PCDHA8: variants seen among roughly 807,000 people sequenced by gnomAD.
PCDHA8 encodes the protein protocadherin alpha-8.
A neutral mutation model predicts 61.8 loss-of-function variants in PCDHA8; 53 were observed. The observed-to-expected ratio is 0.86, with a 90% CI of 0.69 to 1.08. The LOEUF is 1.08. Ranked by LOEUF, PCDHA8 falls within the 50% of genes least tolerant of loss-of-function variation. The probability of loss-of-function intolerance (pLI) is 0.00; values close to 1 mark genes in which losing one functional copy is unlikely to be tolerated. For synonymous variants in PCDHA8, 618 were observed against 556.6 expected (o/e 1.11, Z -1.55); for missense variants, 1,293 against 1,245.0 (o/e 1.04, Z -0.58).
intron 1 of PCDHA8, chr5:140,848,264 T>G (rs1156785908): frequency 4.1e-6 from 2 of 490,594 alleles, no homozygotes; most frequent in Non-Finnish European, 7.2e-6. Context: ...GAAATTTTTA[T>G]TCATGAAATA....
intron 1 of PCDHA8, among the ~76,000 whole-genome samples, chr5:140,974,558 C>A (rs984567503): frequency 4.5e-4 from 68 of 152,132 alleles, no homozygotes; most frequent in African/African-American, 1.6e-3. Context: ...GTTGCCCAGG[C>A]TGGAGTGCAA....
intron 1 of PCDHA8, among the ~76,000 whole-genome samples, chr5:140,879,081 T>C (rs1425343317): frequency 1.3e-5 from 2 of 152,084 alleles, no homozygotes; most frequent in African/African-American, 4.8e-5. Flanking sequence ...GAGAGATAAG[T>C]AGGAACAACT....
In PCDHA8 at chr5:140,842,516, T is replaced by A. The variant is rs530202531; in HGVS notation, c.1195T>A (p.Ser399Thr). ...GCCCCATGTCCCCTTCAAGCTGGTGTCCACCTTCAAGAATTACTACTCGTT... is the reference window on the plus strand; with the variant it reads ...GCCCCATGTCCCCTTCAAGCTGGTGACCACCTTCAAGAATTACTACTCGTT... ...LMPHVPFKLV[S>T]TFKNYYSLVL... The change falls in exon 1 of 4, where the codon TCC becomes ACC. Residue 399 changes from serine (S) to threonine (T), a missense_variant. Coordinates refer to ENST00000531613, the MANE Select transcript of PCDHA8 (RefSeq NM_018911.3). The A allele has an allele frequency of 6.2e-7, 1 of 1,613,504 alleles. No homozygotes were observed. Among genetic ancestry groups the A allele is most frequent in the African/African-American group, 1.3e-5 (1 of 74,844 alleles).
chr5:140,869,919 A>G (rs1554163602), intron 1 of PCDHA8: 3 of 1,611,440 alleles, frequency 1.9e-6, no homozygotes. Flanking sequence ...GAGACGAAGG[A>G]GTCAATGGAG....
At chr5:140,917,552 C>T (rs200211133) in intron 1 of PCDHA8, among the ~76,000 whole-genome samples, 1 of 152,192 alleles carries the variant, frequency 6.6e-6, no homozygotes, top group Non-Finnish European at 1.5e-5. Flanking sequence ...TTACATTTAA[C>T]TCTTTAATCC....
chr5:140,904,700 C>A (rs1228017325), intron 1 of PCDHA8, among the ~76,000 whole-genome samples: 1 of 152,028 alleles, frequency 6.6e-6, no homozygotes, highest in Non-Finnish European at 1.5e-5. Flanking sequence ...AAATTGTTCC[C>A]TTTTCACCAC....
chr5:140,870,974 G>C, intron 1 of PCDHA8: 5 of 1,613,628 alleles, frequency 3.1e-6, no homozygotes, highest in Non-Finnish European at 4.2e-6. Context: ...TTCCGCGTGG[G>C]GCTGTACACG....
At chr5:140,876,577 A>G (rs1554168681) in intron 1 of PCDHA8, 2 of 1,614,182 alleles carry the variant, frequency 1.2e-6, no homozygotes, top group Non-Finnish European at 1.7e-6. Context: ...GGGTACCGTC[A>G]TTGCCCTGAT....
chr5:140,993,363 C>T (rs925225156), intron 3 of PCDHA8, among the ~76,000 whole-genome samples: 1 of 151,918 alleles, frequency 6.6e-6, no homozygotes, highest in Non-Finnish European at 1.5e-5. Context: ...CTCACAAAAA[C>T]TACCTCCCAG....
At chr5:140,946,826 G>A (rs1161316537) in intron 1 of PCDHA8, among the ~76,000 whole-genome samples, 1 of 151,404 alleles carries the variant, frequency 6.6e-6, no homozygotes, top group African/African-American at 2.4e-5. Context: ...TACCAGAGAT[G>A]GGTAGGGCAG....
rs1374109552 is a variant in PCDHA8 at position 141,010,068 on chromosome 5, T to C, written c.*131T>C. On this transcript the variant is annotated 3_prime_UTR_variant, in exon 4 of 4. Transcript: ENST00000531613. ...AGAGACCTCAGAAATCTGCAGAAAGTTCCCTGTGTCTGTCTAGAACGCATT... is the reference window on the plus strand; with the variant it reads ...AGAGACCTCAGAAATCTGCAGAAAGCTCCCTGTGTCTGTCTAGAACGCATT... 4 of 1,604,732 alleles carry C rather than the reference T, an allele frequency of 2.5e-6. No homozygotes were observed. Among genetic ancestry groups the C allele is most frequent in the Non-Finnish European group, 3.4e-6 (4 of 1,175,400 alleles).
chr5:140,847,992 C>A lies in PCDHA8; in HGVS notation c.2394+4277C>A, dbSNP rs189573491. On this transcript the variant is annotated intron_variant, in intron 1 of 3. Transcript: ENST00000531613. ...CGAGCCATATGGGAGATTCTGAATTCCAGAACAAAAGAATTTTGTAATTTA... is the reference window on the plus strand; with the variant it reads ...CGAGCCATATGGGAGATTCTGAATTACAGAACAAAAGAATTTTGTAATTTA... 9.0e-4 allele frequency: 141 copies of A among 156,078 alleles called. 10 individuals are homozygous for A. The highest frequency in any genetic ancestry group is 1.5e-3 in the Non-Finnish European group (104 of 70,316). The allele number at this position is 156,078 out of a possible 1,614,324, so 9.7% of individuals were successfully genotyped here.
At chr5:140,967,591 G>A (rs1554229706) in intron 1 of PCDHA8, 1 of 1,614,154 alleles carries the variant, frequency 6.2e-7, no homozygotes, top group East Asian at 2.2e-5. Flanking sequence ...CAGGCACATT[G>A]GTGGTGAAGC....
chr5:140,933,270 C>T (rs1388946153), intron 1 of PCDHA8, among the ~76,000 whole-genome samples: 1 of 151,842 alleles, frequency 6.6e-6, no homozygotes, highest in African/African-American at 2.4e-5. Context: ...ATTATATATT[C>T]ATTTGGAACT....
At position 140,882,068 on chromosome 5, in the gene PCDHA8, C is replaced by A. The variant is rs1219461637; in HGVS notation, c.2394+38353C>A. 8.4e-6 allele frequency: 7 copies of A among 837,710 alleles called. No homozygotes were observed. The East Asian group carries it at 1.9e-4, about 22-fold the overall frequency. The allele number at this position is 837,710 out of a possible 1,614,324, so 51.9% of individuals were successfully genotyped here. On this transcript the variant is annotated intron_variant, in intron 1 of 3. Coordinates refer to ENST00000531613, the MANE Select transcript of PCDHA8 (RefSeq NM_018911.3). ...TCATACTTACACTTACACGTTCATG[C>A]GCATGGTGTCGCTCTTCACTGAGAA...
chr5:140,877,521 AG>A, intron 1 of PCDHA8: 1 of 1,613,770 alleles, frequency 6.2e-7, no homozygotes, highest in African/African-American at 1.3e-5. Context: ...CGCGGGCCTC[AG>A]TGGGCGCTGT....
At chr5:140,844,894 C>G (rs2150374853) in intron 1 of PCDHA8, among the ~76,000 whole-genome samples, 6 of 149,362 alleles carry the variant, frequency 4.0e-5, no homozygotes, top group African/African-American at 1.2e-4. Context: ...GTGCATATTG[C>G]TTTGGAGAGA....
At chr5:140,993,337 G>A (rs2097550534) in intron 3 of PCDHA8, among the ~76,000 whole-genome samples, 1 of 151,924 alleles carries the variant, frequency 6.6e-6, no homozygotes, top group African/African-American at 2.4e-5. Context: ...GTGATTTGAA[G>A]GGCACTACGA....
chr5:140,863,258 G>A lies in PCDHA8; in HGVS notation c.2394+19543G>A, dbSNP rs1456133535. On this transcript the variant is annotated intron_variant, in intron 1 of 3. Transcript: ENST00000531613. The stretch of plus-strand genomic sequence containing the variant: ...CGGGCTTTGGCGGGCGTCGAGGTCC[G>A]GGAGGCAGCGCTGGTGGATGTCAAC... 8 of 1,445,594 alleles carry A rather than the reference G, an allele frequency of 5.5e-6. No homozygotes were observed. In the Admixed American group the frequency reaches 9.0e-5, roughly 16 times the overall value. The allele number at this position is 1,445,594 out of a possible 1,614,324, so 89.5% of individuals were successfully genotyped here.
Sources: allele counts gnomAD v4.1 joint callset (sites outside exome capture counted in the v4.1 genomes callset), GRCh38; gene constraint gnomAD v4.1.1; transcripts MANE v1.5; gene names NCBI Gene and HGNC (gene_info 2026-07-23, HGNC 2026-07-21).